EFCAB3: variants seen among roughly 807,000 people sequenced by gnomAD.
The protein encoded by EFCAB3 is EF-hand calcium-binding domain-containing protein 3.
EFCAB3 carries 36 observed loss-of-function variants against 42.2 expected under a neutral mutation model. That is an observed-to-expected ratio of 0.85 (90% CI 0.65 to 1.13). The LOEUF (loss-of-function observed/expected upper bound fraction) is 1.13, where lower values mean the gene tolerates loss of function less well. EFCAB3 is among the 50% of genes most tolerant of loss of function. The pLI is 0.00. For synonymous variants in EFCAB3, 170 were observed against 172.8 expected (o/e 0.98, Z 0.13); for missense variants, 418 against 505.1 (o/e 0.83, Z 1.65).
At chr17:62,384,421 A>G (rs2070230800) in intron 2 of EFCAB3, among the ~76,000 whole-genome samples, 1 of 152,072 alleles carries the variant, frequency 6.6e-6, no homozygotes, top group South Asian at 2.1e-4. Context: ...GGATCACTTG[A>G]GCCTAGGAAT....
chr17:62,410,973 G>A (rs1393569157), intron 8 of EFCAB3, among the ~76,000 whole-genome samples: 1 of 152,122 alleles, frequency 6.6e-6, no homozygotes, highest in Non-Finnish European at 1.5e-5. Context: ...TTGAAACTCA[G>A]GATTGTAGGA....
chr17:62,397,535 G>C (rs1474603753), intron 6 of EFCAB3: 1 of 570,498 alleles, frequency 1.8e-6, no homozygotes, highest in Admixed American at 2.0e-5. Context: ...TTGCATGAGA[G>C]GTGCTTCTCA....
At chr17:62,374,247 G>C (rs1193668322) in intron 2 of EFCAB3, among the ~76,000 whole-genome samples, 1 of 152,106 alleles carries the variant, frequency 6.6e-6, no homozygotes, top group Admixed American at 6.5e-5. Context: ...GATCACCTGA[G>C]GTCAGGAGTT....
chr17:62,375,670 C>T (rs954666183), upstream of EFCAB3, among the ~76,000 whole-genome samples: 1 of 152,168 alleles, frequency 6.6e-6, no homozygotes, highest in African/African-American at 2.4e-5. Flanking sequence ...AAGATAATCC[C>T]TCCTATCTGG....
At chr17:62,406,331 C>A in intron 6 of EFCAB3, 149 bp from the exon 7 acceptor site, 1 of 608,752 alleles carries the variant, frequency 1.6e-6, no homozygotes, top group South Asian at 2.5e-5. Flanking sequence ...ATAAATATCA[C>A]AGAAATGGGC....
intron 1 of EFCAB3, chr17:62,381,927 AC>A (rs991683949): frequency 1.2e-5 from 4 of 323,358 alleles, no homozygotes; most frequent in Admixed American, 3.3e-5. Flanking sequence ...TGCTGGTTCC[AC>A]CCCCGCTGCA....
At chr17:62,401,077 A>G (rs1050016145) in intron 6 of EFCAB3, among the ~76,000 whole-genome samples, 5 of 152,178 alleles carry the variant, frequency 3.3e-5, no homozygotes, top group African/African-American at 1.2e-4. Context: ...TTGGCTGCAT[A>G]AATGTCTTCT....
At chr17:62,394,001 C>T (rs764685043) in intron 5 of EFCAB3, among the ~76,000 whole-genome samples, 31 of 150,984 alleles carry the variant, frequency 2.1e-4, no homozygotes, top group South Asian at 4.2e-4. Flanking sequence ...GTCACCCAGG[C>T]TGGAGTGCAG....
rs866848201 is a variant in EFCAB3, at chr17:62,389,977, A to G, written c.152-1845A>G. ...AATTTTTTGTATTTTTAGTAGAGAC[A>G]GGGTTTCACCATGTTAGCCAGGATG... On this transcript the variant is annotated intron_variant, in intron 3 of 9. Coordinates refer to ENST00000305286, the MANE Select transcript of EFCAB3 (RefSeq NM_173503.4). 1.3e-4 allele frequency among the ~76,000 whole-genome samples: 20 copies of G among 152,110 alleles called. No homozygotes were observed. In the East Asian group the frequency reaches 3.3e-3, roughly 25 times the overall value.
At position 62,416,218 on chromosome 17, in the gene EFCAB3, T is replaced by C. The variant is rs766383185; in HGVS notation, c.1206T>C (p.Asn402=). Residue 402 remains asparagine (N), a synonymous_variant, in exon 10 of 10, where the codon AAT becomes AAC. Coordinates refer to ENST00000305286, the MANE Select transcript of EFCAB3 (RefSeq NM_173503.4). The stretch of plus-strand genomic sequence containing the variant: ...TAAGGTTATATGATGCCTATGTGAA[T>C]AGAAATTCCTCCCATAACTCCAGAT... ...KDLRLYDAYV[N]RNSSHNSRSS... is the part of the protein sequence containing the mutation. 8.7e-6 allele frequency: 14 copies of C among 1,613,792 alleles called. No homozygotes were observed. Among genetic ancestry groups the C allele is most frequent in the Non-Finnish European group, 1.1e-5 (13 of 1,179,718 alleles).
At position 62,387,490 on chromosome 17, in the gene EFCAB3, A is replaced by G. The variant is rs1270115078; in HGVS notation, c.151+74A>G. On this transcript the variant is annotated intron_variant, in intron 3 of 9. Transcript: ENST00000305286. ...TCTGATCCTTTCTTCTCTAAGAAAG[A>G]TCTGAGATTTCAAGGGTTGTCTACA... is the stretch of plus-strand genomic sequence containing the variant. 6 of 1,292,500 alleles carry G rather than the reference A, an allele frequency of 4.6e-6. No individual in the cohort carries two copies. In the Admixed American group the frequency reaches 1.2e-4, roughly 26 times the overall value. 80.1% of individuals were successfully genotyped at this position (1,292,500 alleles called of 1,614,324 possible).
upstream of EFCAB3, among the ~76,000 whole-genome samples, chr17:62,376,606 A>C (rs2070152635): frequency 6.6e-6 from 1 of 152,240 alleles, no homozygotes; most frequent in African/African-American, 2.4e-5. Flanking sequence ...AGACATAGGC[A>C]TAATGGCAAT....
intron 4 of EFCAB3, 33 bp downstream of exon 4, chr17:62,391,998 T>C: frequency 2.6e-6 from 4 of 1,567,476 alleles, no homozygotes; most frequent in East Asian, 2.3e-5. Flanking sequence ...GTTTTTCTCA[T>C]AAAAGATTTT....
At position 62,373,859 on chromosome 17, in the gene EFCAB3, A is replaced by C. The variant is rs2070131254; in HGVS notation, c.80A>C (p.Lys27Thr). ...AATTCAATAATGGAGGGCCTGAAGAAGTTTAAACGTAAGTGAAAATTTATT... is the reference window on the plus strand; with the variant it reads ...AATTCAATAATGGAGGGCCTGAAGACGTTTAAACGTAAGTGAAAATTTATT... Residue 27 changes from lysine to threonine, a missense_variant, in exon 2 of 12, where the codon AAG becomes ACG. Lys to Thr is a moderately conservative substitution (Grantham distance 78). Transcript: ENST00000450662. The C allele has an allele frequency of 2.0e-6, 3 of 1,475,386 alleles. No individual in the cohort carries two copies. In the South Asian group the frequency reaches 3.7e-5, roughly 18 times the overall value. 91.4% of individuals were successfully genotyped at this position (1,475,386 alleles called of 1,614,324 possible).
At chr17:62,414,470 G>T (rs146468212) in intron 9 of EFCAB3, among the ~76,000 whole-genome samples, 1 of 151,946 alleles carries the variant, frequency 6.6e-6, no homozygotes, top group Non-Finnish European at 1.5e-5. Flanking sequence ...CTACCTCTAC[G>T]CTGGGTCTCA....
intron 5 of EFCAB3, among the ~76,000 whole-genome samples, chr17:62,394,040 C>T (rs1271315691): frequency 2.6e-5 from 4 of 152,072 alleles, no homozygotes; most frequent in East Asian, 1.9e-4. Flanking sequence ...CTGCAAGCTC[C>T]GCCCCCCAGG....
At chr17:62,376,575 C>A (rs2144048168), upstream of EFCAB3, among the ~76,000 whole-genome samples, 1 of 152,254 alleles carries the variant, frequency 6.6e-6, no homozygotes. Context: ...TTTAAGTCTT[C>A]ACACTCAAAT....
chr17:62,384,173 T>G (rs948839876), intron 2 of EFCAB3, among the ~76,000 whole-genome samples: 2 of 152,180 alleles, frequency 1.3e-5, no homozygotes, highest in Admixed American at 1.3e-4. Context: ...CAATACTACA[T>G]GTAAAGGGAA....
chr17:62,388,142 C>T (rs550356281), intron 3 of EFCAB3, among the ~76,000 whole-genome samples: 10 of 151,892 alleles, frequency 6.6e-5, no homozygotes, highest in South Asian at 2.1e-4. Context: ...ACCCAGGAAG[C>T]GGAGGTTGCA....
Sources: gnomAD v4.1 joint callset for allele counts (sites outside exome capture counted in the v4.1 genomes callset) on GRCh38, gnomAD v4.1.1 for gene constraint, MANE v1.5 for transcripts, NCBI Gene and HGNC (gene_info 2026-07-23, HGNC 2026-07-21) for gene names.